CSRNP3: variants seen among roughly 807,000 people sequenced by gnomAD.
The protein encoded by CSRNP3 is cysteine/serine-rich nuclear protein 3.
A neutral mutation model predicts 48.0 loss-of-function variants in CSRNP3; 12 were observed. The observed-to-expected ratio is 0.25, with a 90% CI of 0.16 to 0.41. The LOEUF is 0.41. CSRNP3 is among the 10% of genes least tolerant of loss of function. The probability of loss-of-function intolerance (pLI) is 1.00; values close to 1 mark genes in which losing one functional copy is unlikely to be tolerated. For missense variants in CSRNP3, 580 were observed against 724.4 expected (o/e 0.80, Z 2.29); for synonymous variants, 263 against 269.7 (o/e 0.98, Z 0.24).
chr2:165,675,479 A>G (rs1456536359), intron 5 of CSRNP3, among the ~76,000 whole-genome samples: 3 of 152,208 alleles, frequency 2.0e-5, no homozygotes, highest in Non-Finnish European at 4.4e-5. Flanking sequence ...TACAATAGTA[A>G]GAAATGAAGT....
chr2:165,519,243 A>G (rs951780458), intron 3 of CSRNP3, among the ~76,000 whole-genome samples: 6 of 151,918 alleles, frequency 3.9e-5, no homozygotes, highest in African/African-American at 1.2e-4. Flanking sequence ...GCAATCACCT[A>G]TGAAAAGAGC....
chr2:165,619,837 G>A (rs972066912), intron 4 of CSRNP3, among the ~76,000 whole-genome samples: 1 of 152,084 alleles, frequency 6.6e-6, no homozygotes, highest in African/African-American at 2.4e-5. Flanking sequence ...AAAGTTAAAA[G>A]CTTTCAAATG....
At chr2:165,666,297 AAG>A (rs557006901) in intron 5 of CSRNP3, among the ~76,000 whole-genome samples, 20 of 126,848 alleles carry the variant, frequency 1.6e-4, no homozygotes, top group African/African-American at 3.1e-4. Context: ...GAGAGGAAGA[AAG>A]AGAGAGGAAG....
chr2:165,664,182 T>C (rs886100568), intron 5 of CSRNP3, among the ~76,000 whole-genome samples: 2 of 152,216 alleles, frequency 1.3e-5, no homozygotes, highest in African/African-American at 4.8e-5. Flanking sequence ...TAAAGAACTA[T>C]ATTATAAGAT....
At chr2:165,510,353 A>T (rs1401902438) in intron 2 of CSRNP3, among the ~76,000 whole-genome samples, 1 of 152,046 alleles carries the variant, frequency 6.6e-6, no homozygotes, top group Non-Finnish European at 1.5e-5. Flanking sequence ...ATTTATTTAG[A>T]TCCATATAGA....
rs376913235 is a variant in CSRNP3 at position 165,680,618 on chromosome 2, C to G, written c.*865C>G. ...CACCTTTAAGCTCTACCCCCTACAT[C>G]AAAATGCACTTTAGTGCCCCTTCAC... is the stretch of plus-strand genomic sequence containing the variant. On this transcript the variant is annotated 3_prime_UTR_variant, in exon 7 of 7. Coordinates refer to ENST00000651982, the MANE Select transcript of CSRNP3 (RefSeq NM_001172173.2). 2 of 152,456 alleles carry G rather than the reference C, an allele frequency of 1.3e-5. No individual in the cohort carries two copies. The highest frequency in any genetic ancestry group is 2.4e-5 in the African/African-American group (1 of 41,374). 9.4% of individuals were successfully genotyped at this position (152,456 alleles called of 1,614,324 possible).
At chr2:165,641,978 G>T (rs1017439076) in intron 4 of CSRNP3, among the ~76,000 whole-genome samples, 3 of 152,000 alleles carry the variant, frequency 2.0e-5, no homozygotes, top group African/African-American at 7.3e-5. Flanking sequence ...GTTACGTTTG[G>T]CTTTGGAAAG....
chr2:165,625,056 A>G (rs1017010208), intron 4 of CSRNP3, among the ~76,000 whole-genome samples: 7 of 152,240 alleles, frequency 4.6e-5, no homozygotes, highest in African/African-American at 1.7e-4. Context: ...ATAATGTGAC[A>G]GTCCAAGAGA....
intron 4 of CSRNP3, among the ~76,000 whole-genome samples, chr2:165,635,492 A>G (rs1405518826): frequency 3.3e-5 from 5 of 152,180 alleles, no homozygotes; most frequent in Admixed American, 3.3e-4. Flanking sequence ...AGGTGCTTTA[A>G]TAGAGGTTAG....
intron 3 of CSRNP3, among the ~76,000 whole-genome samples, chr2:165,565,546 G>C (rs1244517783): frequency 6.6e-6 from 1 of 151,970 alleles, no homozygotes; most frequent in African/African-American, 2.4e-5. Context: ...AAAAAACAGA[G>C]CCAAATATGT....
intron 5 of CSRNP3, among the ~76,000 whole-genome samples, chr2:165,663,025 T>G (rs1406246634): frequency 6.6e-6 from 1 of 152,134 alleles, no homozygotes; most frequent in Non-Finnish European, 1.5e-5. Context: ...TCATCCCAAA[T>G]CTCAGATTTA....
chr2:165,584,786 T>A (rs1685600890), intron 3 of CSRNP3, among the ~76,000 whole-genome samples: 1 of 152,192 alleles, frequency 6.6e-6, no homozygotes, highest in Non-Finnish European at 1.5e-5. Context: ...GCAAAGAGTT[T>A]AGACCAGGGA....
intron 3 of CSRNP3, among the ~76,000 whole-genome samples, chr2:165,529,694 A>T (rs1684787083): frequency 6.6e-6 from 1 of 152,216 alleles, no homozygotes; most frequent in South Asian, 2.1e-4. Flanking sequence ...TTTAAAATTT[A>T]AAATGCTGGA....
intron 3 of CSRNP3, among the ~76,000 whole-genome samples, chr2:165,552,756 G>T (rs1010577135): frequency 6.6e-6 from 1 of 151,550 alleles, no homozygotes; most frequent in African/African-American, 2.4e-5. Context: ...GCTGGAGTGT[G>T]CAATCTTGGC....
intron 3 of CSRNP3, among the ~76,000 whole-genome samples, chr2:165,565,441 C>A (rs1021767687): frequency 6.6e-6 from 1 of 152,036 alleles, no homozygotes; most frequent in Admixed American, 6.6e-5. Flanking sequence ...CCACTACCTT[C>A]TAATATGAAG....
intron 4 of CSRNP3, among the ~76,000 whole-genome samples, chr2:165,632,556 C>T (rs6735919): frequency 0.019 from 2,922 of 152,158 alleles, 84 homozygotes; most frequent in African/African-American, 0.065. Flanking sequence ...ATTCTCTCTC[C>T]CCATGAATGT....
intron 3 of CSRNP3, among the ~76,000 whole-genome samples, chr2:165,591,617 C>T (rs1685719041): frequency 6.6e-6 from 1 of 152,144 alleles, no homozygotes; most frequent in African/African-American, 2.4e-5. Flanking sequence ...TCCCCTGTGT[C>T]CCAGCTGCTT....
chr2:165,583,328 C>A (rs1685577378), intron 3 of CSRNP3, among the ~76,000 whole-genome samples: 1 of 152,008 alleles, frequency 6.6e-6, no homozygotes, highest in Non-Finnish European at 1.5e-5. Context: ...GTTTGAATGA[C>A]CTAAAAGTCA....
At chr2:165,481,205 G>A (rs1574794688) in intron 1 of CSRNP3, among the ~76,000 whole-genome samples, 1 of 152,060 alleles carries the variant, frequency 6.6e-6, no homozygotes, top group Admixed American at 6.5e-5. Flanking sequence ...ATATGCTCAC[G>A]TTAATAGTGG....
Sources: allele counts gnomAD v4.1 joint callset (sites outside exome capture counted in the v4.1 genomes callset), GRCh38; gene constraint gnomAD v4.1.1; transcripts MANE v1.5; gene names NCBI Gene and HGNC (gene_info 2026-07-23, HGNC 2026-07-21).